Variants in ENTPD6 observed in about 807,000 individuals in gnomAD.
The protein encoded by ENTPD6 is CD39 antigen-like 2.
Under a neutral mutation model 61.5 loss-of-function variants are expected in ENTPD6, and 46 were observed. The observed-to-expected ratio is 0.75, with a 90% CI of 0.59 to 0.96. The LOEUF is 0.96. Among genes scored for constraint, ENTPD6 ranks in the 40% least tolerant of loss-of-function variants. ENTPD6 has a pLI of 0.00. For synonymous variants in ENTPD6, 252 were observed against 255.5 expected (o/e 0.99, Z 0.13); for missense variants, 612 against 629.0 (o/e 0.97, Z 0.29).
At chr20:25,217,422 C>A in intron 8 of ENTPD6, 80 bp from the exon 9 acceptor site, 1 of 1,362,526 alleles carries the variant, frequency 7.3e-7, no homozygotes, top group Non-Finnish European at 1.0e-6. Flanking sequence ...CATCCCCTTT[C>A]TTTCAAATGA....
At chr20:25,213,134 A>C (rs1460894579) in intron 4 of ENTPD6, 129 bp from the exon 5 acceptor site, 1 of 1,044,196 alleles carries the variant, frequency 9.6e-7, no homozygotes, top group Non-Finnish European at 1.4e-6. Flanking sequence ...AAGCCACTTC[A>C]CTCTAGCCTG....
chr20:25,225,082 G>A (rs1485410099), intron 13 of ENTPD6, 123 bp from the exon 14 acceptor site: 19 of 1,450,716 alleles, frequency 1.3e-5, no homozygotes, highest in Non-Finnish European at 1.7e-5. Context: ...CTGCGGCCTT[G>A]TCTGTGAATC....
At position 25,226,737 on chromosome 20, in the gene ENTPD6, C is replaced by T. The variant is rs556381727; in HGVS notation, c.*1140C>T. On this transcript the variant is annotated 3_prime_UTR_variant, in exon 15 of 15. Transcript: ENST00000376652. ...GGGCTTCTCCTTCTCTGGGATTCCT[C>T]TCGTTGAGCGACAGTAGCATTTGCC... The T allele has an allele frequency of 6.6e-6, 1 of 152,466 alleles. No individual in the cohort carries two copies. Among genetic ancestry groups the T allele is most frequent in the African/African-American group, 2.4e-5 (1 of 41,594 alleles). The allele number at this position is 152,466 out of a possible 1,614,324, so 9.4% of individuals were successfully genotyped here.
rs1311775613 is a variant in ENTPD6 at position 25,225,911 on chromosome 20, CA to C, written c.*315del. On this transcript the variant is annotated 3_prime_UTR_variant, in exon 15 of 15. Coordinates refer to ENST00000376652, the MANE Select transcript of ENTPD6 (RefSeq NM_001247.5). ...TGTGGCTCCCTGCCTGTCCCATCCC[CA>C]TGCCCCGTCCGCGGGGCTGTGGCTG... 5 of 268,378 alleles carry C rather than the reference CA, an allele frequency of 1.9e-5. No homozygotes were observed. Among genetic ancestry groups the C allele is most frequent in the Non-Finnish European group, 2.8e-5 (4 of 142,118 alleles). 16.6% of individuals were successfully genotyped at this position (268,378 alleles called of 1,614,324 possible). A position where few individuals can be genotyped will look rare whatever the true frequency, so the allele number is the denominator to read the frequency against.
chr20:25,197,256 A>G (rs1441771627), intron 1 of ENTPD6: 6 of 984,902 alleles, frequency 6.1e-6, no homozygotes, highest in South Asian at 4.7e-5. Flanking sequence ...TAGAAAGCCA[A>G]CCAGGGGACA....
At position 25,225,524 on chromosome 20, in the gene ENTPD6, A is replaced by G; in HGVS notation, c.1382A>G (p.Glu461Gly). 6.2e-7 allele frequency: 1 copy of G among 1,613,996 alleles called. No homozygotes were observed. The highest frequency in any genetic ancestry group is 2.2e-5 in the East Asian group (1 of 44,868). The change falls in exon 15 of 15, where the codon GAG (glutamate) becomes GGG (glycine). Residue 461 changes from glutamate (E) to glycine (G), a missense_variant. Transcript: ENST00000376652. The part of the protein sequence containing the change: ...LKLTRKIDNV[E>G]TSWALGAIFH... ...CTCACTCGGAAAATTGACAATGTTG[A>G]GACCAGCTGGGCTCTGGGGGCCATT...
chr20:25,197,241 C>A, intron 1 of ENTPD6: 1 of 985,414 alleles, frequency 1.0e-6, no homozygotes, highest in Non-Finnish European at 1.2e-6. Flanking sequence ...CCTGCCATCC[C>A]CATCTAGAAA....
At chr20:25,198,374 G>A (rs370406974) in intron 1 of ENTPD6, among the ~76,000 whole-genome samples, 1 of 152,064 alleles carries the variant, frequency 6.6e-6, no homozygotes, top group Non-Finnish European at 1.5e-5. Context: ...TACTTGGGAG[G>A]CTGAGGCAGG....
rs1329348115 is a variant in ENTPD6 at position 25,213,311 on chromosome 20, C to A, written c.502C>A (p.Pro168Thr). 4 of 1,614,256 alleles carry A rather than the reference C, an allele frequency of 2.5e-6. No individual in the cohort carries two copies. In the South Asian group the frequency reaches 4.4e-5, roughly 18 times the overall value. The part of the protein sequence containing the change: ...ELLDVAKQDI[P>T]FDFWKATPLV... ...ACTGGATGTTGCTAAACAGGACATT[C>A]CGTTCGACTTCTGGAAGGCCACCCC... Residue 168 changes from proline to threonine, a missense_variant, in exon 5 of 15, where the codon CCG becomes ACG. By Grantham distance (38) the Pro-to-Thr change is conservative. Coordinates refer to ENST00000376652, the MANE Select transcript of ENTPD6 (RefSeq NM_001247.5).
rs781226884 is a variant in ENTPD6 at position 25,218,556 on chromosome 20, C to T, written c.885C>T (p.Leu295=). ...TGAGGTGTCATTCCCACAGCTACCTCGGGCTCGGGCTGATGTCGGCACGCC... is the reference window on the plus strand; with the variant it reads ...TGAGGTGTCATTCCCACAGCTACCTTGGGCTCGGGCTGATGTCGGCACGCC... ...RTYKLYSYSY[L]GLGLMSARLA... Residue 295 remains leucine, a synonymous_variant, in exon 10 of 15, where the codon CTC becomes CTT. Coordinates refer to ENST00000376652, the MANE Select transcript of ENTPD6 (RefSeq NM_001247.5). 24 of 1,605,736 alleles carry T rather than the reference C, an allele frequency of 1.5e-5. No homozygotes were observed. The highest frequency in any genetic ancestry group is 3.3e-4 in the Middle Eastern group (2 of 6,072).
intron 1 of ENTPD6, among the ~76,000 whole-genome samples, chr20:25,205,589 T>G (rs953915298): frequency 6.6e-6 from 1 of 151,808 alleles, no homozygotes; most frequent in Non-Finnish European, 1.5e-5. Context: ...AGCCCCCGAG[T>G]GTGGTGGGAC....
chr20:25,200,770 TATTCTCTATCC>T (rs1469967539), intron 1 of ENTPD6, among the ~76,000 whole-genome samples: 2 of 152,234 alleles, frequency 1.3e-5, no homozygotes, highest in African/African-American at 2.4e-5. Context: ...TCTATTTTTC[TATTCTCTATCC>T]TCCTGTAATC....
chr20:25,211,334 C>T (rs147447007), intron 4 of ENTPD6, among the ~76,000 whole-genome samples: 78 of 152,286 alleles, frequency 5.1e-4, no homozygotes, highest in African/African-American at 1.8e-3. Flanking sequence ...AGAATAAGCT[C>T]CTAGGATTTT....
At position 25,216,716 on chromosome 20, in the gene ENTPD6, G is replaced by A. The variant is rs775319134; in HGVS notation, c.778G>A (p.Ala260Thr). ...CTTGGGCGGAGGATCCACTCAGATCGCCTTCCTGCCACGCGTGGAGGTAAC... is the reference window on the plus strand; with the variant it reads ...CTTGGGCGGAGGATCCACTCAGATCACCTTCCTGCCACGCGTGGAGGTAAC... ...LDLGGGSTQI[A>T]FLPRVEGTLQ... The change falls in exon 8 of 15, where the codon GCC (alanine) becomes ACC (threonine). Residue 260 changes from alanine (A) to threonine (T), a missense_variant. By Grantham distance (58) the Ala-to-Thr change is moderately conservative. Transcript: ENST00000376652. 7.5e-6 allele frequency: 12 copies of A among 1,601,568 alleles called. No individual in the cohort carries two copies. The highest frequency in any genetic ancestry group is 4.0e-5 in the African/African-American group (3 of 74,724).
In ENTPD6 at chr20:25,213,365, C is replaced by T. The variant is rs528566658; in HGVS notation, c.556C>T (p.Arg186Cys). The T allele has an allele frequency of 3.7e-6, 6 of 1,613,852 alleles. No individual in the cohort carries two copies. The highest frequency in any genetic ancestry group is 1.7e-5 in the Admixed American group (1 of 59,990). ...PLVLKATAGL[R>C]LLPGEKAQKL... is the part of the protein sequence containing the mutation. Reference sequence around the variant, plus strand: ...GGTCCTCAAGGCCACAGCTGGCTTACGCCTGTTACCTGGAGAAAAGGCCCA... The same window carrying T: ...GGTCCTCAAGGCCACAGCTGGCTTATGCCTGTTACCTGGAGAAAAGGCCCA... Residue 186 changes from arginine to cysteine, a missense_variant, in exon 5 of 15, where the codon CGC (arginine) becomes TGC (cysteine). Transcript: ENST00000376652.
intron 5 of ENTPD6, chr20:25,214,559 C>T (rs1351556039): frequency 2.4e-5 from 8 of 329,594 alleles, no homozygotes; most frequent in Non-Finnish European, 4.0e-5. Flanking sequence ...TCAACGAGCC[C>T]GGGCGGTGGA....
chr20:25,195,898 C>T, intron 1 of ENTPD6, 31 bp downstream of exon 1: 1 of 1,230,044 alleles, frequency 8.1e-7, no homozygotes, highest in Non-Finnish European at 1.0e-6. Context: ...CTGGCGGGGG[C>T]GGCCGGGGAT....
intron 3 of ENTPD6, among the ~76,000 whole-genome samples, chr20:25,208,339 G>A (rs2091681239): frequency 6.6e-6 from 1 of 152,224 alleles, no homozygotes; most frequent in Non-Finnish European, 1.5e-5. Flanking sequence ...CCAGCTATGT[G>A]GGAGGCTAAG....
chr20:25,207,223 A>G lies in ENTPD6; in HGVS notation c.202A>G (p.Thr68Ala), dbSNP rs1266141830. The change falls in exon 3 of 15, where the codon ACC becomes GCC. Residue 68 changes from threonine (T) to alanine (A), a missense_variant. Coordinates refer to ENST00000376652, the MANE Select transcript of ENTPD6 (RefSeq NM_001247.5). Reference protein sequence around the residue: ...AYIKWHRATATQAFFSITRAA... With the variant: ...AYIKWHRATAAQAFFSITRAA... ...CATCAAGTGGCACCGGGCCACCGCC[A>G]CCCAGGCCTTCTTCAGCATCACCAG... is the stretch of plus-strand genomic sequence containing the variant. 6.2e-7 allele frequency: 1 copy of G among 1,613,908 alleles called. No homozygotes were observed. Among genetic ancestry groups the G allele is most frequent in the African/African-American group, 1.3e-5 (1 of 74,916 alleles).
Sources: gnomAD v4.1 joint callset for allele counts (sites outside exome capture counted in the v4.1 genomes callset) on GRCh38, gnomAD v4.1.1 for gene constraint, MANE v1.5 for transcripts, NCBI Gene and HGNC (gene_info 2026-07-23, HGNC 2026-07-21) for gene names.